Variants in TENM2 observed in about 807,000 individuals in gnomAD.
TENM2 encodes teneurin transmembrane protein 2.
Under a neutral mutation model 245.2 loss-of-function variants are expected in TENM2, and 52 were observed. The observed-to-expected ratio is 0.21, with a 90% CI of 0.17 to 0.27. TENM2 has a LOEUF of 0.27. Among genes scored for constraint, TENM2 ranks in the 10% least tolerant of loss-of-function variants. TENM2 has a pLI of 1.00. For missense variants in TENM2, 3,046 were observed against 3,666.8 expected, an observed-to-expected ratio of 0.83 and a Z score of 4.37; for synonymous variants, 1,363 against 1,438.9, an observed-to-expected ratio of 0.95 and a Z score of 1.19.
At chr5:168,186,827 G>A (rs932865457) in intron 13 of TENM2, 3 of 152,198 alleles carry the variant, frequency 2.0e-5, no homozygotes, top group African/African-American at 2.4e-5. Flanking sequence ...TTGTTTGCGA[G>A]ATAACTGCAA....
intron 2 of TENM2, among the ~76,000 whole-genome samples, chr5:167,632,531 A>G (rs899167247): frequency 3.4e-5 from 5 of 147,886 alleles, no homozygotes; most frequent in Admixed American, 6.6e-5. Context: ...GTTGAGAGAC[A>G]TAAGTCAATT....
chr5:167,284,767 G>A, upstream of TENM2: 2 of 1,164,794 alleles, frequency 1.7e-6, no homozygotes, highest in Non-Finnish European at 2.5e-6. Context: ...TTTTCAGGTG[G>A]CAAAGTGACA....
At chr5:168,231,780 C>CAAAAAA (rs144113234) in intron 25 of TENM2, among the ~76,000 whole-genome samples, 39 of 134,108 alleles carry the variant, frequency 2.9e-4, no homozygotes, top group Admixed American at 5.2e-4. Flanking sequence ...CAACAACAAC[C>CAAAAAA]AAAAAAAAAA....
At chr5:167,618,720 G>A (rs1408599486) in intron 2 of TENM2, among the ~76,000 whole-genome samples, 2 of 152,050 alleles carry the variant, frequency 1.3e-5, no homozygotes, top group African/African-American at 2.4e-5. Context: ...ATTTCCTCAC[G>A]TTTTGTCAAG....
At chr5:167,653,034 CTCTT>C (rs1754583496) in intron 2 of TENM2, among the ~76,000 whole-genome samples, 1 of 152,096 alleles carries the variant, frequency 6.6e-6, no homozygotes. Flanking sequence ...ATTGAGTCAT[CTCTT>C]TATTTTTTTC....
At chr5:167,372,178 G>C (rs1760479425) in intron 1 of TENM2, among the ~76,000 whole-genome samples, 1 of 152,096 alleles carries the variant, frequency 6.6e-6, no homozygotes, top group South Asian at 2.1e-4. Context: ...GGCAAATTCA[G>C]CACAGACCTT....
At chr5:167,510,062 T>C (rs1769831939) in intron 2 of TENM2, among the ~76,000 whole-genome samples, 1 of 152,230 alleles carries the variant, frequency 6.6e-6, no homozygotes, top group Non-Finnish European at 1.5e-5. Context: ...ATCCGTCATA[T>C]AGATTTGCAT....
At chr5:167,929,081 G>GAA (rs1182549757) in intron 3 of TENM2, among the ~76,000 whole-genome samples, 1 of 73,088 alleles carries the variant, frequency 1.4e-5, no homozygotes, top group Non-Finnish European at 2.6e-5. Context: ...AAGAAAGAAA[G>GAA]AAAGAAAGAA....
chr5:167,622,745 G>A (rs1057203480), intron 2 of TENM2, among the ~76,000 whole-genome samples: 4 of 152,128 alleles, frequency 2.6e-5, no homozygotes, highest in African/African-American at 4.8e-5. Flanking sequence ...CAGCCAGAAA[G>A]AGGGATAAGT....
intron 2 of TENM2, among the ~76,000 whole-genome samples, chr5:167,417,171 G>A (rs1309512547): frequency 1.3e-5 from 2 of 152,148 alleles, no homozygotes; most frequent in Non-Finnish European, 2.9e-5. Flanking sequence ...ATAGAAGGGT[G>A]TCTGTCACTT....
chr5:167,873,848 C>T (rs1288573101), intron 2 of TENM2, among the ~76,000 whole-genome samples: 1 of 152,132 alleles, frequency 6.6e-6, no homozygotes, highest in African/African-American at 2.4e-5. Flanking sequence ...TGGAGTTTTT[C>T]AAGTCAAACT....
chr5:168,238,712 T>C (rs1258726558), intron 25 of TENM2, among the ~76,000 whole-genome samples: 1 of 152,198 alleles, frequency 6.6e-6, no homozygotes, highest in African/African-American at 2.4e-5. Context: ...AGCTTCCTTG[T>C]GACAGGCGTA....
intron 3 of TENM2, among the ~76,000 whole-genome samples, chr5:167,928,745 A>T (rs752400921): frequency 6.6e-6 from 1 of 151,400 alleles, no homozygotes; most frequent in Non-Finnish European, 1.5e-5. Context: ...AATACAAAAA[A>T]ATTAGCTAGA....
chr5:167,181,789 ACAC>A, the TENM2 span, among the ~76,000 whole-genome samples: 7 of 152,194 alleles, frequency 4.6e-5, no homozygotes, highest in Admixed American at 1.3e-4. Context: ...TTGTAACACA[ACAC>A]ATTAAGAATA....
chr5:167,964,669 G>T (rs1291849991), intron 4 of TENM2, among the ~76,000 whole-genome samples: 1 of 152,092 alleles, frequency 6.6e-6, no homozygotes, highest in Non-Finnish European at 1.5e-5. Flanking sequence ...CATAAGAAAT[G>T]GACATTTAAG....
the TENM2 span, among the ~76,000 whole-genome samples, chr5:167,137,801 T>C: frequency 6.6e-6 from 1 of 152,312 alleles, no homozygotes; most frequent in South Asian, 2.1e-4. Context: ...ATTTAGGCTA[T>C]TAACAGAAAC....
At chr5:167,074,835 T>G in the TENM2 span, among the ~76,000 whole-genome samples, 1 of 152,108 alleles carries the variant, frequency 6.6e-6, no homozygotes, top group African/African-American at 2.4e-5. Context: ...TAATAAGCAG[T>G]GCTCAGCACA....
In TENM2 at chr5:167,841,088, G is replaced by A. The variant is rs555151977; in HGVS notation, c.503-34898G>A. Reference sequence around the variant, plus strand: ...TTTTTTTTTTTGAGATGGGAGTCTCGCTCTGTCAACCCGGATGGAGTACAG... The same window carrying A: ...TTTTTTTTTTTGAGATGGGAGTCTCACTCTGTCAACCCGGATGGAGTACAG... On this transcript the variant is annotated intron_variant, in intron 2 of 28. Transcript: ENST00000518659. 1.3e-3 allele frequency among the ~76,000 whole-genome samples: 200 copies of A among 149,384 alleles called. 2 individuals carry two copies. The highest frequency in any genetic ancestry group is 4.6e-3 in the African/African-American group (187 of 40,614).
intron 4 of TENM2, among the ~76,000 whole-genome samples, chr5:167,975,885 A>T (rs1005831633): frequency 6.6e-5 from 10 of 151,350 alleles, no homozygotes; most frequent in Admixed American, 6.6e-4. Context: ...ATTGCTATAC[A>T]CAGTTGATGT....
Sources: allele counts gnomAD v4.1 joint callset (sites outside exome capture counted in the v4.1 genomes callset), GRCh38; gene constraint gnomAD v4.1.1; transcripts MANE v1.5; gene names NCBI Gene and HGNC (gene_info 2026-07-23, HGNC 2026-07-21).